Variants in MARCHF11 observed in about 807,000 individuals in gnomAD.
The protein encoded by MARCHF11 is E3 ubiquitin-protein ligase MARCHF11.
In MARCHF11, 29 loss-of-function variants were observed where a neutral mutation model predicts 37.3. The observed-to-expected ratio is 0.78, with a 90% CI of 0.58 to 1.06. The LOEUF is 1.06. Among genes scored for constraint, MARCHF11 ranks in the 50% least tolerant of loss-of-function variants. The probability of loss-of-function intolerance (pLI) is 0.00; values close to 1 mark genes in which losing one functional copy is unlikely to be tolerated. For missense variants in MARCHF11, 482 were observed against 533.4 expected (o/e 0.90, Z 0.95); for synonymous variants, 233 against 228.0 (o/e 1.02, Z -0.20).
intron 2 of MARCHF11, among the ~76,000 whole-genome samples, chr5:16,130,112 T>C (rs1210784333): frequency 1.3e-5 from 2 of 152,132 alleles, no homozygotes; most frequent in Non-Finnish European, 2.9e-5. Context: ...TCTAACTTCG[T>C]TGGGTAAATA....
rs368598829 is a variant in MARCHF11 at position 16,067,706 on chromosome 5, T to C, written c.974A>G (p.Asp325Gly). Residue 325 changes from aspartate to glycine, a missense_variant, in exon 4 of 4, where the codon GAC (aspartate) becomes GGC (glycine). Coordinates refer to ENST00000332432, the MANE Select transcript of MARCHF11 (RefSeq NM_001102562.3). Reference sequence around the variant, plus strand: ...GCTTTCTTCGATGTCTGTGGCTTTGTCATAATTTAACACATCCCAGTGCAA... The same window carrying C: ...GCTTTCTTCGATGTCTGTGGCTTTGCCATAATTTAACACATCCCAGTGCAA... ...VNLHWDVLNY[D>G]KATDIEESSR... 7 of 1,613,924 alleles carry C rather than the reference T, an allele frequency of 4.3e-6. No individual in the cohort carries two copies. The highest frequency in any genetic ancestry group is 5.9e-6 in the Non-Finnish European group (7 of 1,179,842).
chr5:16,155,503 T>A (rs1159837212), intron 2 of MARCHF11, among the ~76,000 whole-genome samples: 1 of 151,826 alleles, frequency 6.6e-6, no homozygotes, highest in Non-Finnish European at 1.5e-5. Context: ...GTTGAGTAAA[T>A]TATTATATTT....
chr5:16,083,450 C>T (rs1005630866), intron 3 of MARCHF11, among the ~76,000 whole-genome samples: 2 of 152,136 alleles, frequency 1.3e-5, no homozygotes, highest in Admixed American at 1.3e-4. Context: ...CGCTACCTAT[C>T]GACAACAATC....
chr5:16,095,213 G>A (rs1487009052), intron 2 of MARCHF11, among the ~76,000 whole-genome samples: 1 of 152,136 alleles, frequency 6.6e-6, no homozygotes, highest in Non-Finnish European at 1.5e-5. Flanking sequence ...GAGCTTTCTA[G>A]CTGAACTTGA....
intron 2 of MARCHF11, among the ~76,000 whole-genome samples, chr5:16,129,906 G>A (rs1473775097): frequency 1.3e-5 from 2 of 152,000 alleles, no homozygotes; most frequent in African/African-American, 4.8e-5. Flanking sequence ...TGAGATCAGT[G>A]TCAAAAAACA....
At chr5:16,132,574 A>C (rs1219627358) in intron 2 of MARCHF11, among the ~76,000 whole-genome samples, 9 of 152,296 alleles carry the variant, frequency 5.9e-5, no homozygotes, top group African/African-American at 2.2e-4. Context: ...ACTGACAAGC[A>C]AACAAGGGGT....
At chr5:16,170,569 C>T (rs1738246804) in intron 2 of MARCHF11, among the ~76,000 whole-genome samples, 1 of 152,042 alleles carries the variant, frequency 6.6e-6, no homozygotes, top group South Asian at 2.1e-4. Flanking sequence ...GATTTGTTTT[C>T]CCTAAATCAT....
At chr5:16,100,286 G>A (rs1003363368) in intron 2 of MARCHF11, among the ~76,000 whole-genome samples, 3 of 152,142 alleles carry the variant, frequency 2.0e-5, no homozygotes, top group African/African-American at 4.8e-5. Flanking sequence ...AAGTGGACAC[G>A]GGAGTAGGCG....
chr5:16,077,996 T>C (rs373782676), intron 3 of MARCHF11, among the ~76,000 whole-genome samples: 316 of 152,378 alleles, frequency 2.1e-3, no homozygotes, highest in African/African-American at 7.3e-3. Context: ...AAAAGGTATT[T>C]ACTCCCTATA....
rs191808717 is a variant in MARCHF11, at chr5:16,162,190, A to G, written c.693+15536T>C. 3.5e-3 allele frequency among the ~76,000 whole-genome samples: 525 copies of G among 152,042 alleles called. 8 individuals are homozygous for G. The highest frequency in any genetic ancestry group is 0.012 in the African/African-American group (505 of 41,530). On this transcript the variant is annotated intron_variant, in intron 2 of 3. Coordinates refer to ENST00000332432, the MANE Select transcript of MARCHF11 (RefSeq NM_001102562.3). ...GACCACCTGTTTCTCAGAATCCAGA[A>G]TCCATTTTCACTATTCTTTTTCTCT... is the stretch of plus-strand genomic sequence containing the variant.
chr5:16,178,877 G>A (rs1738409924), intron 1 of MARCHF11, among the ~76,000 whole-genome samples, 162 bp downstream of exon 1: 1 of 152,244 alleles, frequency 6.6e-6, no homozygotes, highest in Non-Finnish European at 1.5e-5. Context: ...CACAGGAAGG[G>A]AAAGGGGAAG....
intron 3 of MARCHF11, among the ~76,000 whole-genome samples, chr5:16,084,658 AAAAAG>A (rs1736665059): frequency 6.6e-6 from 1 of 152,106 alleles, no homozygotes; most frequent in Non-Finnish European, 1.5e-5. Flanking sequence ...AACAAAAAAA[AAAAAG>A]AATTTACATG....
At chr5:16,133,250 C>A (rs779247932) in intron 2 of MARCHF11, among the ~76,000 whole-genome samples, 38 of 152,240 alleles carry the variant, frequency 2.5e-4, no homozygotes, top group Non-Finnish European at 4.6e-4. Flanking sequence ...TTTTTCCCAA[C>A]AGAATGTGTC....
At chr5:16,100,806 G>T (rs7715758) in intron 2 of MARCHF11, among the ~76,000 whole-genome samples, 7 of 152,170 alleles carry the variant, frequency 4.6e-5, no homozygotes, top group Non-Finnish European at 8.8e-5. Context: ...TTAGTGGGAA[G>T]GTTATGTCTA....
intron 2 of MARCHF11, among the ~76,000 whole-genome samples, chr5:16,114,838 A>C (rs1737203876): frequency 6.6e-6 from 1 of 152,064 alleles, no homozygotes; most frequent in Non-Finnish European, 1.5e-5. Flanking sequence ...ATAATTATTA[A>C]TATAGAATGA....
intron 2 of MARCHF11, among the ~76,000 whole-genome samples, chr5:16,095,901 T>C (rs1397841811): frequency 1.3e-5 from 2 of 152,192 alleles, no homozygotes; most frequent in African/African-American, 4.8e-5. Flanking sequence ...ACCCAGGAAA[T>C]GCTGGAAATA....
intron 2 of MARCHF11, among the ~76,000 whole-genome samples, chr5:16,172,483 GAAGT>G (rs1738286306): frequency 6.6e-6 from 1 of 152,152 alleles, no homozygotes; most frequent in African/African-American, 2.4e-5. Flanking sequence ...GCAAAGAATG[GAAGT>G]AAGAGCAGCA....
chr5:16,078,267 T>G (rs1414160489), intron 3 of MARCHF11, among the ~76,000 whole-genome samples: 1 of 152,180 alleles, frequency 6.6e-6, no homozygotes, highest in African/African-American at 2.4e-5. Context: ...TTTTCTCATC[T>G]CTCAGATGAG....
At chr5:16,141,639 T>A (rs976247792) in intron 2 of MARCHF11, 5 of 152,270 alleles carry the variant, frequency 3.3e-5, no homozygotes, top group African/African-American at 1.2e-4. Flanking sequence ...CTAAACAGCT[T>A]GGGACACCCT....
Sources: allele counts gnomAD v4.1 joint callset (sites outside exome capture counted in the v4.1 genomes callset), GRCh38; gene constraint gnomAD v4.1.1; transcripts MANE v1.5; gene names NCBI Gene and HGNC (gene_info 2026-07-23, HGNC 2026-07-21).